The following SIGLEC14 variants were observed in gnomAD, a reference collection of about 807,000 sequenced individuals.
SIGLEC14 encodes sialic acid-binding Ig-like lectin 14.
SIGLEC14 carries 11 observed loss-of-function variants against 34.2 expected under a neutral mutation model. The observed-to-expected ratio is 0.32, with a 90% CI of 0.20 to 0.53. The LOEUF is 0.53. Among genes scored for constraint, SIGLEC14 ranks in the 20% least tolerant of loss-of-function variants. SIGLEC14 has a pLI of 0.95. For missense variants in SIGLEC14, 264 were observed against 439.0 expected (o/e 0.60, Z 3.56); for synonymous variants, 99 against 179.7 (o/e 0.55, Z 3.59).
Position 51,642,702 on chromosome 19 carries a change from G to A in SIGLEC14, c.*653C>T, listed in dbSNP as rs2122122501. On this transcript the variant is annotated 3_prime_UTR_variant, in exon 7 of 7. Coordinates refer to ENST00000360844, the MANE Select transcript of SIGLEC14 (RefSeq NM_001098612.3). ...TGCCTATATGGATAGGGAAGCTGAG[G>A]AGACCAGAAATTCAAGTGTTAAGAA... is the stretch of plus-strand genomic sequence containing the variant. The A allele has an allele frequency of 7.2e-6, 1 of 138,764 alleles. No individual in the cohort carries two copies. The highest frequency in any genetic ancestry group is 2.4e-4 in the South Asian group (1 of 4,232). The allele number at this position is 138,764 out of a possible 1,614,324, so 8.6% of individuals were successfully genotyped here.
intron 4 of SIGLEC14, among the ~76,000 whole-genome samples, chr19:51,644,625 G>A (rs1161748717): frequency 1.5e-5 from 2 of 136,898 alleles, no homozygotes; most frequent in African/African-American, 5.6e-5. Context: ...TGGAACCAAG[G>A]GGATGAGGAG....
chr19:51,641,454 G>A lies in SIGLEC14; in HGVS notation c.*1901C>T, dbSNP rs753026382. On this transcript the variant is annotated 3_prime_UTR_variant, in exon 7 of 7. Transcript: ENST00000360844. The stretch of plus-strand genomic sequence containing the variant: ...TCCCATTCCTAGGCATATACCCAAA[G>A]GAATATAAATCATTCTATTACAAAG... Among the ~76,000 whole-genome samples the A allele has an allele frequency of 1.4e-5, 2 of 138,984 alleles. No individual in the cohort carries two copies. The highest frequency in any genetic ancestry group is 3.1e-5 in the Non-Finnish European group (2 of 64,922). The allele number at this position is 138,984 out of a possible 152,430, so 91.2% of individuals were successfully genotyped here.
At position 51,642,096 on chromosome 19, in the gene SIGLEC14, C is replaced by T. The variant is rs1327912395; in HGVS notation, c.*1259G>A. On this transcript the variant is annotated 3_prime_UTR_variant, in exon 7 of 7. Transcript: ENST00000360844. The stretch of plus-strand genomic sequence containing the variant: ...AGCAATCCGTGAATTCAAAGGAAAT[C>T]TCAGGGGAAAGAAGGAAATATTTTG... Among the ~76,000 whole-genome samples the T allele has an allele frequency of 7.2e-6, 1 of 139,078 alleles. No homozygotes were observed. The highest frequency in any genetic ancestry group is 1.5e-5 in the Non-Finnish European group (1 of 64,980). 91.2% of individuals were successfully genotyped at this position (139,078 alleles called of 152,430 possible).
In SIGLEC14 at chr19:51,643,523, G is replaced by A; in HGVS notation, c.1148+14C>T. The A allele has an allele frequency of 6.7e-7, 1 of 1,492,926 alleles. No individual in the cohort carries two copies. The highest frequency in any genetic ancestry group is 8.9e-7 in the Non-Finnish European group (1 of 1,121,370). The allele number at this position is 1,492,926 out of a possible 1,614,324, so 92.5% of individuals were successfully genotyped here. On this transcript the variant is annotated intron_variant, in intron 6 of 6. Transcript: ENST00000360844. ...GAACTCAGGAGCTTCCTGGAGACAG[G>A]CAGTCCGGCTCACCTGGTATAGTAG...
Position 51,643,361 on chromosome 19 carries a change from A to C in SIGLEC14, c.1185T>G (p.Pro395=). Residue 395 remains proline (P), a synonymous_variant, in exon 7 of 7, where the codon CCT becomes CCG. Coordinates refer to ENST00000360844, the MANE Select transcript of SIGLEC14 (RefSeq NM_001098612.3). ...TGTCTTGAGCGGGAGGGGCTCAGCC[A>C]GGCCTCTCAGCCCTGCTCTGCTGGG... ...GGPQQSRAER[P]G The C allele has an allele frequency of 2.0e-6, 3 of 1,525,384 alleles. No individual in the cohort carries two copies. Among genetic ancestry groups the C allele is most frequent in the Non-Finnish European group, 2.6e-6 (3 of 1,138,938 alleles). 94.5% of individuals were successfully genotyped at this position (1,525,384 alleles called of 1,614,324 possible).
chr19:51,645,447 C>G lies in SIGLEC14; in HGVS notation c.754+30G>C, dbSNP rs748783570. 8 of 1,512,986 alleles carry G rather than the reference C, an allele frequency of 5.3e-6. 3 individuals are homozygous for G. The allele number at this position is 1,512,986 out of a possible 1,614,324, so 93.7% of individuals were successfully genotyped here. A position where few individuals can be genotyped will look rare whatever the true frequency, so the allele number is the denominator to read the frequency against. ...CTGAGCTAATAGAAGGCTCCCATCA[C>G]AGCCCCAGAGGGAAGAGGGTCTTTC... is the stretch of plus-strand genomic sequence containing the variant. On this transcript the variant is annotated intron_variant, in intron 4 of 6. Coordinates refer to ENST00000360844, the MANE Select transcript of SIGLEC14 (RefSeq NM_001098612.3).
At position 51,642,835 on chromosome 19, in the gene SIGLEC14, T is replaced by A. The variant is rs187289397; in HGVS notation, c.*520A>T. The stretch of plus-strand genomic sequence containing the variant: ...TCAGGAGTTCGAGACCTGGCCAACA[T>A]GGTAAAACCCCATCTCTACTAACAT... On this transcript the variant is annotated 3_prime_UTR_variant, in exon 7 of 7. Transcript: ENST00000360844. 7.2e-6 allele frequency: 1 copy of A among 138,470 alleles called. No individual in the cohort carries two copies. The highest frequency in any genetic ancestry group is 1.5e-5 in the Non-Finnish European group (1 of 66,716). The allele number at this position is 138,470 out of a possible 1,614,324, so 8.6% of individuals were successfully genotyped here.
rs1340893975 is a variant in SIGLEC14 at position 51,643,834 on chromosome 19, G to A, written c.957C>T (p.Cys319=). 5 of 1,531,104 alleles carry A rather than the reference G, an allele frequency of 3.3e-6. No homozygotes were observed. Among genetic ancestry groups the A allele is most frequent in the Non-Finnish European group, 4.4e-6 (5 of 1,139,574 alleles). The allele number at this position is 1,531,104 out of a possible 1,614,324, so 94.8% of individuals were successfully genotyped here. A position where few individuals can be genotyped will look rare whatever the true frequency, so the allele number is the denominator to read the frequency against. Reference sequence around the variant, plus strand: ...GGGAGCCCAGCGGATGCTGAACCCGGCAGGTGAATTCCCCTCCCTCTCTAG... The same window carrying A: ...GGGAGCCCAGCGGATGCTGAACCCGACAGGTGAATTCCCCTCCCTCTCTAG... ...IGAREGGEFT[C]RVQHPLGSQH... The change falls in exon 5 of 7, where the codon TGC becomes TGT. Residue 319 remains cysteine (C), a synonymous_variant. Coordinates refer to ENST00000360844, the MANE Select transcript of SIGLEC14 (RefSeq NM_001098612.3).
In SIGLEC14 at chr19:51,643,928, C is replaced by T. The variant is rs759989219; in HGVS notation, c.863G>A (p.Arg288Gln). 1.5e-5 allele frequency: 23 copies of T among 1,533,990 alleles called. 4 individuals carry two copies. The African/African-American group carries it at 1.9e-4, about 13-fold the overall frequency. Residue 288 changes from arginine (R) to glutamine (Q), a missense_variant, in exon 5 of 7, where the codon CGG (arginine) becomes CAG (glutamine). Arg to Gln is a conservative substitution (Grantham distance 43, BLOSUM62 1). Transcript: ENST00000360844. ...GGAAGGATTGAGGGCTTTTCCCTCC[C>T]GGAACCAGCTCAGTGAGGCAGGGGG... Reference protein sequence around the residue: ...SNPPASLSWFREGKALNPSQT... With the variant: ...SNPPASLSWFQEGKALNPSQT...
rs550396007 is a variant in SIGLEC14, at chr19:51,643,475, G to C, written c.1148+62C>G. ...CCAGGTGGGGCTGAGCTGTCCTGGG[G>C]CAGGACAGCTCAGCCCCACCTGGAA... On this transcript the variant is annotated intron_variant, in intron 6 of 6. Transcript: ENST00000360844. 1,358 of 1,329,392 alleles carry C rather than the reference G, an allele frequency of 1.0e-3. 156 individuals carry two copies. Among genetic ancestry groups the C allele is most frequent in the Middle Eastern group, 5.3e-3 (19 of 3,564 alleles). The allele number at this position is 1,329,392 out of a possible 1,614,324, so 82.3% of individuals were successfully genotyped here. A position where few individuals can be genotyped will look rare whatever the true frequency, so the allele number is the denominator to read the frequency against.
chr19:51,646,064 A>C lies in SIGLEC14; in HGVS notation c.422-4T>G. 9.3e-7 allele frequency: 1 copy of C among 1,079,394 alleles called. No individual in the cohort carries two copies. The highest frequency in any genetic ancestry group is 1.3e-6 in the Non-Finnish European group (1 of 790,608). 66.9% of individuals were successfully genotyped at this position (1,079,394 alleles called of 1,614,324 possible). On this transcript the variant is annotated splice_region_variant and splice_polypyrimidine_tract_variant and intron_variant, in intron 2 of 6. Coordinates refer to ENST00000360844, the MANE Select transcript of SIGLEC14 (RefSeq NM_001098612.3). ...ATGTCGGGTTTCTCTATCAGGGCTG[A>C]GGAGGAGACAGGGAGATACCTGGGC...
rs1983947301 is a variant in SIGLEC14, at chr19:51,643,238, GAAAA to G, written c.*113_*116del. Reference sequence around the variant, plus strand: ...AGTAGAAGGGGTATGGGGCAGGAAGGAAAAGAGGGGTAGTCAGTGGGATGTGAGC... The same window carrying G: ...AGTAGAAGGGGTATGGGGCAGGAAGGGAGGGGTAGTCAGTGGGATGTGAGC... On this transcript the variant is annotated 3_prime_UTR_variant, in exon 7 of 7. Coordinates refer to ENST00000360844, the MANE Select transcript of SIGLEC14 (RefSeq NM_001098612.3). 1.9e-6 allele frequency: 2 copies of G among 1,036,770 alleles called. No individual in the cohort carries two copies. Among genetic ancestry groups the G allele is most frequent in the African/African-American group, 1.9e-5 (1 of 53,380 alleles). The allele number at this position is 1,036,770 out of a possible 1,614,324, so 64.2% of individuals were successfully genotyped here. A position where few individuals can be genotyped will look rare whatever the true frequency, so the allele number is the denominator to read the frequency against.
In SIGLEC14 at chr19:51,643,906, A is replaced by G; in HGVS notation, c.885T>C (p.Pro295=). The G allele has an allele frequency of 6.5e-7, 1 of 1,534,146 alleles. No individual in the cohort carries two copies. Among genetic ancestry groups the G allele is most frequent in the Non-Finnish European group, 8.8e-7 (1 of 1,141,700 alleles). Reference sequence around the variant, plus strand: ...GGGTCCCAGACATTGAGGTCTGGGAAGGATTGAGGGCTTTTCCCTCCCGGA... The same window carrying G: ...GGGTCCCAGACATTGAGGTCTGGGAGGGATTGAGGGCTTTTCCCTCCCGGA... ...SWFREGKALN[P]SQTSMSGTLE... is the part of the protein sequence containing the mutation. The change falls in exon 5 of 7, where the codon CCT becomes CCC. Residue 295 remains proline, a synonymous_variant. Coordinates refer to ENST00000360844, the MANE Select transcript of SIGLEC14 (RefSeq NM_001098612.3).
Position 51,642,516 on chromosome 19 carries a change from A to AG in SIGLEC14, c.*838_*839insC, listed in dbSNP as rs1202726299. The AG allele has an allele frequency of 1.5e-5, 2 of 137,718 alleles. No homozygotes were observed. The highest frequency in any genetic ancestry group is 3.1e-5 in the Non-Finnish European group (2 of 64,562). The allele number at this position is 137,718 out of a possible 1,614,324, so 8.5% of individuals were successfully genotyped here. Reference sequence around the variant, plus strand: ...AACTCTGTCTCAAAGAAAAAAAAAAAAGACATAATTTTTGTCTACAAACTC... The same window carrying AG: ...AACTCTGTCTCAAAGAAAAAAAAAAAGAGACATAATTTTTGTCTACAAACTC... On this transcript the variant is annotated 3_prime_UTR_variant, in exon 7 of 7. Coordinates refer to ENST00000360844, the MANE Select transcript of SIGLEC14 (RefSeq NM_001098612.3).
chr19:51,643,805 T>G lies in SIGLEC14; in HGVS notation c.986A>C (p.His329Pro). ...CRVQHPLGSQ[H>P]LSFILSVQRS... is the part of the protein sequence containing the mutation. ...CTGCACAGAAAGGATGAAGGACAGGTGCTGGGAGCCCAGCGGATGCTGAAC... is the reference window on the plus strand; with the variant it reads ...CTGCACAGAAAGGATGAAGGACAGGGGCTGGGAGCCCAGCGGATGCTGAAC... The change falls in exon 5 of 7, where the codon CAC becomes CCC. Residue 329 changes from histidine (H) to proline (P), a missense_variant. By Grantham distance (77) the His-to-Pro change is moderately conservative. Around this residue, in one of 5 missense-constraint regions of SIGLEC14, gnomAD observed 149 missense variants for 184.4 expected, o/e 0.81. Transcript: ENST00000360844. The G allele has an allele frequency of 2.0e-6, 3 of 1,525,108 alleles. 1 individual carries two copies. Among genetic ancestry groups the G allele is most frequent in the Non-Finnish European group, 2.6e-6 (3 of 1,136,090 alleles). The allele number at this position is 1,525,108 out of a possible 1,614,324, so 94.5% of individuals were successfully genotyped here.
rs751373208 is a variant in SIGLEC14, at chr19:51,641,964, T to G, written c.*1391A>C. 7.6e-6 allele frequency among the ~76,000 whole-genome samples: 1 copy of G among 132,126 alleles called. No homozygotes were observed. The highest frequency in any genetic ancestry group is 2.6e-4 in the South Asian group (1 of 3,908). The allele number at this position is 132,126 out of a possible 152,430, so 86.7% of individuals were successfully genotyped here. A position where few individuals can be genotyped will look rare whatever the true frequency, so the allele number is the denominator to read the frequency against. ...AAGTTAAAAAAAATCATATCAAGCA[T>G]GTGTATTTATTAAAATGGAACTTAA... On this transcript the variant is annotated 3_prime_UTR_variant, in exon 7 of 7. Transcript: ENST00000360844.
At position 51,643,717 on chromosome 19, in the gene SIGLEC14, C is replaced by T. The variant is rs1325242566; in HGVS notation, c.1013-45G>A. On this transcript the variant is annotated intron_variant, in intron 5 of 6. Transcript: ENST00000360844. ...AAGGTGCTGTTACCAGGCCTCAGTC[C>T]CTCCCACCAACCTGAATACCTCACC... The T allele has an allele frequency of 5.9e-6, 9 of 1,521,102 alleles. 1 individual carries two copies. Among genetic ancestry groups the T allele is most frequent in the Non-Finnish European group, 7.9e-6 (9 of 1,134,886 alleles). 94.2% of individuals were successfully genotyped at this position (1,521,102 alleles called of 1,614,324 possible).
intron 4 of SIGLEC14, among the ~76,000 whole-genome samples, chr19:51,644,770 G>A (rs1983996329): frequency 1.4e-5 from 2 of 138,362 alleles, no homozygotes; most frequent in African/African-American, 5.5e-5. Context: ...AGAAGCATCC[G>A]AGGGAGGTGG....
At position 51,643,168 on chromosome 19, in the gene SIGLEC14, G is replaced by T. The variant is rs1983945093; in HGVS notation, c.*187C>A. ...GTGGAGAGGGGATGGGGTGCAGATG[G>T]GGATGCAGGTGTGGTGGGGCAAGAC... is the stretch of plus-strand genomic sequence containing the variant. On this transcript the variant is annotated 3_prime_UTR_variant, in exon 7 of 7. Transcript: ENST00000360844. The T allele has an allele frequency of 1.8e-6, 1 of 561,508 alleles. No individual in the cohort carries two copies. Among genetic ancestry groups the T allele is most frequent in the African/African-American group, 2.3e-5 (1 of 44,094 alleles). 34.8% of individuals were successfully genotyped at this position (561,508 alleles called of 1,614,324 possible).
Sources: gnomAD v4.1 joint callset for allele counts (sites outside exome capture counted in the v4.1 genomes callset) on GRCh38, gnomAD v4.1.1 for gene constraint, gnomAD v4.1.1 regional missense constraint, MANE v1.5 for transcripts, NCBI Gene and HGNC (gene_info 2026-07-23, HGNC 2026-07-21) for gene names.